The following RBFOX1 variants were observed in gnomAD, a reference collection of about 807,000 sequenced individuals.
RBFOX1 encodes the protein RNA binding fox-1 homolog 1, also known as RNA binding protein fox-1 homolog 1.
A neutral mutation model predicts 57.7 loss-of-function variants in RBFOX1; 8 were observed. That is an observed-to-expected ratio of 0.14 (90% CI 0.08 to 0.25). RBFOX1 has a LOEUF of 0.25. RBFOX1 is among the 10% of genes least tolerant of loss of function. RBFOX1 has a pLI of 1.00. For synonymous variants in RBFOX1, 326 were observed against 222.4 expected, an observed-to-expected ratio of 1.47 and a Z score of -4.15; for missense variants, 611 against 548.5, an observed-to-expected ratio of 1.11 and a Z score of -1.14.
At chr16:5,616,132 G>A (rs1324077147) in intron 3 of RBFOX1, 2 of 152,436 alleles carry the variant, frequency 1.3e-5, no homozygotes, top group African/African-American at 2.4e-5. Flanking sequence ...CTACTTCGCG[G>A]GCAGACCGTG....
chr16:6,483,627 A>T, intron 2 of RBFOX1: 1 of 1,266,554 alleles, frequency 7.9e-7, no homozygotes, highest in East Asian at 5.6e-5. Context: ...GGGAGAGACC[A>T]GGCAGCTTCT....
chr16:5,511,446 A>T lies in RBFOX1; in HGVS notation c.258+44192A>T, dbSNP rs188302077. Among the ~76,000 whole-genome samples the T allele has an allele frequency of 3.8e-3, 574 of 152,272 alleles. 3 individuals carry two copies. The highest frequency in any genetic ancestry group is 6.8e-3 in the Middle Eastern group (2 of 294). On this transcript the variant is annotated intron_variant, in intron 2 of 2. Transcript: ENST00000585867. ...TCATTTTGTCCTTTGTCGATAAGTC[A>T]AGACTAGTCAGATAATAGCTATTGT...
Position 7,185,265 on chromosome 16 carries a change from G to A in RBFOX1, c.27+133167G>A, listed in dbSNP as rs200837165. 5.3e-5 allele frequency among the ~76,000 whole-genome samples: 8 copies of A among 152,238 alleles called. No homozygotes were observed. The East Asian group carries it at 1.2e-3, about 22-fold the overall frequency. The stretch of plus-strand genomic sequence containing the variant: ...TTAATTCTAAAGAAAGCAAATTGAA[G>A]GAGGTGTTTGCACGTATTTTTTTTT... On this transcript the variant is annotated intron_variant, in intron 4 of 15. Coordinates refer to ENST00000550418, the MANE Select transcript of RBFOX1 (RefSeq NM_018723.4).
At position 5,986,469 on chromosome 16, in the gene RBFOX1, G is replaced by C. The variant is rs544579876; in HGVS notation, c.351+119134G>C. On this transcript the variant is annotated intron_variant, in intron 4 of 19. Coordinates refer to the RBFOX1 transcript ENST00000641259. ...CAGTGTCAACATTTTGCAAAACTAT[G>C]GTACAATATCTTAAGATATCGAATC... is the stretch of plus-strand genomic sequence containing the variant. 3.3e-5 allele frequency among the ~76,000 whole-genome samples: 5 copies of C among 152,256 alleles called. No individual in the cohort carries two copies. The South Asian group carries it at 1.0e-3, about 32-fold the overall frequency.
chr16:7,132,722 A>G (rs78726204), intron 4 of RBFOX1, among the ~76,000 whole-genome samples: 8,777 of 152,170 alleles, frequency 0.058, 885 homozygotes, highest in African/African-American at 0.2. Context: ...AGCGAAATCA[A>G]CCAGTCACAA....
intron 1 of RBFOX1, among the ~76,000 whole-genome samples, chr16:5,425,183 G>A (rs1276768785): frequency 6.6e-6 from 1 of 151,240 alleles, no homozygotes; most frequent in Non-Finnish European, 1.5e-5. Context: ...TTGGCTCACT[G>A]CAACCTCCGA....
At chr16:7,411,409 C>T (rs927620030) in intron 4 of RBFOX1, among the ~76,000 whole-genome samples, 1 of 152,266 alleles carries the variant, frequency 6.6e-6, no homozygotes, top group Non-Finnish European at 1.5e-5. Flanking sequence ...AAATTTCACC[C>T]GGTCTTTCAG....
intron 1 of RBFOX1, among the ~76,000 whole-genome samples, chr16:5,283,585 G>T (rs564514664): frequency 6.4e-4 from 97 of 152,276 alleles, no homozygotes; most frequent in African/African-American, 2.2e-3. Context: ...TGACCTGCAT[G>T]TGAGACATGG....
intron 2 of RBFOX1, among the ~76,000 whole-genome samples, chr16:5,578,848 T>C (rs1232890831): frequency 1.3e-4 from 15 of 113,520 alleles, no homozygotes; most frequent in African/African-American, 6.3e-4. Flanking sequence ...CACACCCTTT[T>C]TTTTTTTTTT....
At chr16:5,360,413 A>G (rs1238423029) in intron 1 of RBFOX1, among the ~76,000 whole-genome samples, 2 of 152,168 alleles carry the variant, frequency 1.3e-5, no homozygotes, top group Non-Finnish European at 2.9e-5. Context: ...TTCCTGTGGG[A>G]GAAAAGGTGC....
intron 2 of RBFOX1, among the ~76,000 whole-genome samples, chr16:6,578,598 C>CTT (rs368816590): frequency 9.0e-6 from 1 of 110,664 alleles, no homozygotes; most frequent in East Asian, 3.6e-4. Context: ...GGTGTGTGTG[C>CTT]GTGTGTGTGT....
At chr16:6,696,696 T>A (rs933562063) in intron 3 of RBFOX1, among the ~76,000 whole-genome samples, 5 of 152,244 alleles carry the variant, frequency 3.3e-5, no homozygotes, top group East Asian at 3.9e-4. Flanking sequence ...AAAGGAGATT[T>A]TTTTTTTCCA....
chr16:6,291,681 A>G (rs1375993639), intron 1 of RBFOX1, among the ~76,000 whole-genome samples: 8 of 152,240 alleles, frequency 5.3e-5, no homozygotes, highest in Non-Finnish European at 1.2e-4. Flanking sequence ...AAACATGCAG[A>G]TTAGCTGAGA....
chr16:7,686,488 C>G (rs11077212), intron 14 of RBFOX1, among the ~76,000 whole-genome samples: 1 of 152,020 alleles, frequency 6.6e-6, no homozygotes, highest in Non-Finnish European at 1.5e-5. Context: ...GAACTATCAC[C>G]GCTTTGGATT....
At chr16:5,381,632 G>A (rs1381692628) in intron 1 of RBFOX1, among the ~76,000 whole-genome samples, 2 of 152,196 alleles carry the variant, frequency 1.3e-5, no homozygotes, top group Admixed American at 6.5e-5. Context: ...CCCCCATAGG[G>A]TTGTTACAAA....
intron 1 of RBFOX1, among the ~76,000 whole-genome samples, chr16:5,294,848 T>G (rs1482687100): frequency 6.6e-6 from 1 of 151,144 alleles, no homozygotes; most frequent in African/African-American, 2.4e-5. Flanking sequence ...CTGGCCAACA[T>G]GAGAAAACCC....
chr16:5,892,538 T>A (rs1253688547), intron 4 of RBFOX1, among the ~76,000 whole-genome samples: 1 of 151,824 alleles, frequency 6.6e-6, no homozygotes, highest in Non-Finnish European at 1.5e-5. Flanking sequence ...GAGAAGGAGG[T>A]CATAAAGCAA....
At chr16:6,995,177 G>T (rs1191441133) in intron 3 of RBFOX1, among the ~76,000 whole-genome samples, 1 of 152,042 alleles carries the variant, frequency 6.6e-6, no homozygotes. Context: ...TTCTCTTACA[G>T]TGTGGCTTTA....
At chr16:5,452,276 G>A (rs185934022) in intron 1 of RBFOX1, among the ~76,000 whole-genome samples, 19 of 151,322 alleles carry the variant, frequency 1.3e-4, no homozygotes, top group Admixed American at 1.2e-3. Flanking sequence ...GCACCACCAC[G>A]CCCAGCTAAT....
Sources: gnomAD v4.1 joint callset for allele counts (sites outside exome capture counted in the v4.1 genomes callset) on GRCh38, gnomAD v4.1.1 for gene constraint, MANE v1.5 for transcripts, NCBI Gene and HGNC (gene_info 2026-07-23, HGNC 2026-07-21) for gene names.